Variants in WHRN observed in about 807,000 individuals in gnomAD.
WHRN encodes the protein whirlin, also known as CASK-interacting protein CIP98.
WHRN carries 41 observed loss-of-function variants against 68.3 expected under a neutral mutation model. The ratio of observed to expected loss-of-function variants is 0.60; its 90% CI spans 0.47 to 0.78. The LOEUF (loss-of-function observed/expected upper bound fraction) is 0.78, where lower values mean the gene tolerates loss of function less well. WHRN is among the 30% of genes least tolerant of loss of function. The probability of loss-of-function intolerance (pLI) is 0.00; values close to 1 mark genes in which losing one functional copy is unlikely to be tolerated. For missense variants in WHRN, 1,243 were observed against 1,244.7 expected (o/e 1.00, Z 0.02); for synonymous variants, 560 against 561.3 (o/e 1.00, Z 0.03).
intron 6 of WHRN, 76 bp from the exon 7 acceptor site, chr9:114,423,599 A>G: frequency 7.0e-7 from 1 of 1,427,276 alleles, no homozygotes; most frequent in Non-Finnish European, 9.6e-7. Flanking sequence ...CTACCCCCAA[A>G]GGACTGGCAT....
rs1380193806 is a variant in WHRN, at chr9:114,402,809, GTCTTGAAGGCC to G, written c.2658_2668del (p.Glu886AspfsTer2). 3.7e-6 allele frequency: 6 copies of G among 1,614,000 alleles called. No homozygotes were observed. The highest frequency in any genetic ancestry group is 1.7e-5 in the Admixed American group (1 of 60,008). ...AAAGTCAATGTAGTCACGGTCCTTA[GTCTTGAAGGCC>G]TCGGCGATAATGCGGGCGGCCTCCC... On this transcript the variant is annotated frameshift_variant, in exon 12 of 12. Transcript: ENST00000362057. LOFTEE classifies it high-confidence loss of function.
At chr9:114,443,751 C>T (rs1838586762) in intron 3 of WHRN, among the ~76,000 whole-genome samples, 1 of 152,206 alleles carries the variant, frequency 6.6e-6, no homozygotes, top group Non-Finnish European at 1.5e-5. Context: ...CATGAATAGC[C>T]AAACAGAACA....
intron 2 of WHRN, among the ~76,000 whole-genome samples, chr9:114,470,543 G>C (rs7036135): frequency 0.91 from 138,483 of 152,144 alleles, 64,470 homozygotes; most frequent in East Asian, 1. Context: ...CGGGAAGCAG[G>C]AGAGGGGTGA....
At chr9:114,455,602 T>C (rs889386386) in intron 3 of WHRN, among the ~76,000 whole-genome samples, 3 of 151,252 alleles carry the variant, frequency 2.0e-5, no homozygotes, top group Non-Finnish European at 1.5e-5. Flanking sequence ...TAGTCCCGGC[T>C]ACTAGGAAGG....
In WHRN at chr9:114,503,814, A is replaced by G. The variant is rs375047637; in HGVS notation, c.618+370T>C. On this transcript the variant is annotated intron_variant, in intron 1 of 11. Transcript: ENST00000362057. ...AGGGAAAAACAAAAAACAAAAAACC[A>G]CAGAATGGCAGTAGCAAAGGCCACC... is the stretch of plus-strand genomic sequence containing the variant. 2.8e-5 allele frequency: 7 copies of G among 253,258 alleles called. No homozygotes were observed. In the East Asian group the frequency reaches 6.2e-4, roughly 22 times the overall value. The allele number at this position is 253,258 out of a possible 1,614,324, so 15.7% of individuals were successfully genotyped here.
chr9:114,463,217 A>C (rs1382624194), intron 3 of WHRN, among the ~76,000 whole-genome samples: 3 of 151,860 alleles, frequency 2.0e-5, no homozygotes, highest in Non-Finnish European at 4.4e-5. Context: ...GACTTGCTTC[A>C]CTCTCTGTGT....
intron 2 of WHRN, among the ~76,000 whole-genome samples, chr9:114,470,871 G>A (rs1841157052): frequency 6.6e-6 from 1 of 151,912 alleles, no homozygotes; most frequent in Admixed American, 6.6e-5. Context: ...TCCCAGCAGG[G>A]AGAGAGCCAA....
In WHRN at chr9:114,406,635, G is replaced by A; in HGVS notation, c.1956C>T (p.Ala652=). The A allele has an allele frequency of 6.2e-7, 1 of 1,612,598 alleles. No individual in the cohort carries two copies. The highest frequency in any genetic ancestry group is 8.5e-7 in the Non-Finnish European group (1 of 1,178,978). The change falls in exon 9 of 12, where the codon GCC becomes GCT. Residue 652 remains alanine (A), a synonymous_variant. Transcript: ENST00000362057. Reference sequence around the variant, plus strand: ...AGCTGGGGTTGGCAGGGGAGACGGAGGCATAGATGGGGGAAGAGGGCAAGT... The same window carrying A: ...AGCTGGGGTTGGCAGGGGAGACGGAAGCATAGATGGGGGAAGAGGGCAAGT... The part of the protein sequence containing the change: ...AQDLPSSPIY[A]SVSPANPSSK...
chr9:114,504,338 C>T lies in WHRN; in HGVS notation c.464G>A (p.Ser155Asn). ...RAKAHEGLGFSIRGGSEHGVG... is the reference protein window; with the variant it reads ...RAKAHEGLGFNIRGGSEHGVG... Reference sequence around the variant, plus strand: ...GCCGTGCTCCGAGCCCCCACGGATGCTGAAGCCCAAGCCCTCGTGGGCCTT... The same window carrying T: ...GCCGTGCTCCGAGCCCCCACGGATGTTGAAGCCCAAGCCCTCGTGGGCCTT... The change falls in exon 1 of 12, where the codon AGC becomes AAC. Residue 155 changes from serine (S) to asparagine (N), a missense_variant. Coordinates refer to ENST00000362057, the MANE Select transcript of WHRN (RefSeq NM_015404.4). 6.2e-7 allele frequency: 1 copy of T among 1,610,180 alleles called. No homozygotes were observed. The highest frequency in any genetic ancestry group is 8.5e-7 in the Non-Finnish European group (1 of 1,180,008).
rs77308513 is a variant in WHRN at position 114,501,868 on chromosome 9, G to C, written c.618+2316C>G. Among the ~76,000 whole-genome samples the C allele has an allele frequency of 8.9e-3, 1,354 of 152,236 alleles. 6 individuals carry two copies. Among genetic ancestry groups the C allele is most frequent in the South Asian group, 0.026 (124 of 4,820 alleles). ...TCCCCGTGGAGAAATCCTGGTTAAGGGCAGTCTGTGCCTAGTAGAAAAGCT... is the reference window on the plus strand; with the variant it reads ...TCCCCGTGGAGAAATCCTGGTTAAGCGCAGTCTGTGCCTAGTAGAAAAGCT... On this transcript the variant is annotated intron_variant, in intron 1 of 11. Transcript: ENST00000362057.
intron 7 of WHRN, among the ~76,000 whole-genome samples, chr9:114,418,446 G>A (rs569480901): frequency 1.3e-5 from 2 of 152,312 alleles, no homozygotes; most frequent in South Asian, 4.1e-4. Context: ...TCTGGGTGTG[G>A]CTGGTTCCTA....
At chr9:114,415,795 C>T (rs1299623659) in intron 7 of WHRN, among the ~76,000 whole-genome samples, 5 of 152,200 alleles carry the variant, frequency 3.3e-5, no homozygotes, top group African/African-American at 7.2e-5. Context: ...TGGAGTTCCT[C>T]TCTTACCCCG....
At chr9:114,491,662 G>A (rs529989188) in intron 1 of WHRN, 12 of 239,992 alleles carry the variant, frequency 5.0e-5, no homozygotes, top group East Asian at 9.1e-5. Flanking sequence ...GCTTTTTGCC[G>A]CCACCCGCAA....
intron 1 of WHRN, among the ~76,000 whole-genome samples, chr9:114,486,959 GTATATATA>G (rs869241280): frequency 0.011 from 53 of 4,972 alleles, no homozygotes; most frequent in African/African-American, 0.013. Flanking sequence ...GTGTGTGTGT[GTATATATA>G]TATATATATA....
intron 2 of WHRN, among the ~76,000 whole-genome samples, chr9:114,468,640 CCA>C (rs1840928093): frequency 6.6e-6 from 1 of 152,016 alleles, no homozygotes; most frequent in Admixed American, 6.6e-5. Context: ...AGGACCAGCC[CCA>C]GTTTTCTCCT....
intron 9 of WHRN, among the ~76,000 whole-genome samples, chr9:114,405,909 T>C (rs2132205165): frequency 6.6e-6 from 1 of 152,332 alleles, no homozygotes; most frequent in Non-Finnish European, 1.5e-5. Context: ...CCAAGATTCT[T>C]CCTGCACCCT....
chr9:114,430,227 A>G (rs1837293249), intron 3 of WHRN, among the ~76,000 whole-genome samples: 1 of 152,190 alleles, frequency 6.6e-6, no homozygotes, highest in Non-Finnish European at 1.5e-5. Context: ...CAATTCTATG[A>G]GCATCGACGT....
intron 3 of WHRN, among the ~76,000 whole-genome samples, chr9:114,459,603 G>A (rs1416144139): frequency 1.3e-5 from 2 of 152,298 alleles, no homozygotes; most frequent in East Asian, 3.9e-4. Flanking sequence ...AACAGACCCT[G>A]GCAGAAGCCA....
intron 3 of WHRN, among the ~76,000 whole-genome samples, chr9:114,439,350 T>G (rs1838168954): frequency 6.6e-6 from 1 of 152,222 alleles, no homozygotes; most frequent in South Asian, 2.1e-4. Flanking sequence ...AGTAACAGAC[T>G]GCTTTGACCA....
Sources: allele counts gnomAD v4.1 joint callset (sites outside exome capture counted in the v4.1 genomes callset), GRCh38; gene constraint gnomAD v4.1.1; transcripts MANE v1.5; gene names NCBI Gene and HGNC (gene_info 2026-07-23, HGNC 2026-07-21).